ZPLD1: variants seen among roughly 807,000 people sequenced by gnomAD.
The protein encoded by ZPLD1 is zona pellucida like domain containing 1.
A neutral mutation model predicts 47.2 loss-of-function variants in ZPLD1; 34 were observed. The observed-to-expected ratio is 0.72, with a 90% confidence interval of 0.55 to 0.96. The LOEUF (loss-of-function observed/expected upper bound fraction) is 0.96, where lower values mean the gene tolerates loss of function less well. ZPLD1 is among the 40% of genes least tolerant of loss of function. The pLI, the probability that ZPLD1 is intolerant of heterozygous loss-of-function variation, is 0.00. For synonymous variants in ZPLD1, 176 were observed against 186.2 expected (o/e 0.95, Z 0.45); for missense variants, 512 against 505.8 (o/e 1.01, Z -0.12).
At chr3:102,470,599 A>C in intron 10 of ZPLD1, 97 bp downstream of exon 10, 1 of 873,190 alleles carries the variant, frequency 1.1e-6, no homozygotes. Flanking sequence ...CCTAAACAGC[A>C]CTAATTAATT....
At chr3:102,412,897 T>C (rs1442430383) in intron 7 of ZPLD1, among the ~76,000 whole-genome samples, 1 of 151,470 alleles carries the variant, frequency 6.6e-6, no homozygotes, top group African/African-American at 2.4e-5. Context: ...ACATGAATGG[T>C]TAGAAGAGAT....
At chr3:102,455,775 G>C (rs921430886) in intron 4 of ZPLD1, among the ~76,000 whole-genome samples, 1 of 152,148 alleles carries the variant, frequency 6.6e-6, no homozygotes, top group Non-Finnish European at 1.5e-5. Flanking sequence ...GGAGGAGTAG[G>C]ATACATCATG....
In ZPLD1 at chr3:102,437,322, C is replaced by T. The variant is rs142140660; in HGVS notation, c.-9+349C>T. 6.0e-4 allele frequency among the ~76,000 whole-genome samples: 91 copies of T among 152,266 alleles called. 3 individuals carry two copies. The East Asian group carries it at 0.016, about 27-fold the overall frequency. ...TGAGAGTGAGCATGACTTTCTTTCC[C>T]ACATCCTCACCAAAGTGACTTTATT... On this transcript the variant is annotated intron_variant, in intron 2 of 11. Transcript: ENST00000466937.
At chr3:102,470,320 C>A in intron 9 of ZPLD1, 74 bp from the exon 10 acceptor site, 2 of 1,120,032 alleles carry the variant, frequency 1.8e-6, no homozygotes, top group South Asian at 1.3e-5. Context: ...CCAAAAGAAT[C>A]TGCTTTCCAA....
At chr3:102,438,672 A>C in intron 3 of ZPLD1, 79 bp downstream of exon 3, 1 of 1,070,206 alleles carries the variant, frequency 9.3e-7, no homozygotes, top group Non-Finnish European at 1.4e-6. Flanking sequence ...TTAAATATAT[A>C]TGGAGAACGG....
At chr3:102,416,283 T>C (rs372151216) in intron 7 of ZPLD1, among the ~76,000 whole-genome samples, 1 of 151,978 alleles carries the variant, frequency 6.6e-6, no homozygotes, top group South Asian at 2.1e-4. Context: ...ATTACTACTG[T>C]CTTTTTAGCT....
At chr3:102,410,897 C>G (rs936830379) in intron 7 of ZPLD1, among the ~76,000 whole-genome samples, 2 of 151,760 alleles carry the variant, frequency 1.3e-5, no homozygotes, top group Admixed American at 1.3e-4. Context: ...AGATTTGTGT[C>G]ATGCTTCAAA....
chr3:102,417,228 G>A (rs1296805841), intron 7 of ZPLD1, among the ~76,000 whole-genome samples: 2 of 151,974 alleles, frequency 1.3e-5, no homozygotes, highest in Non-Finnish European at 2.9e-5. Context: ...TTAAATGGCA[G>A]ACGGAGTAAT....
intron 7 of ZPLD1, among the ~76,000 whole-genome samples, chr3:102,416,442 A>G (rs1291160542): frequency 6.6e-6 from 1 of 151,902 alleles, no homozygotes. Flanking sequence ...AAATTTTAAA[A>G]TAGTAGAAGA....
intron 10 of ZPLD1, among the ~76,000 whole-genome samples, chr3:102,476,664 C>T (rs568025647): frequency 1.3e-5 from 2 of 152,266 alleles, no homozygotes; most frequent in South Asian, 4.1e-4. Flanking sequence ...TTAACGATTA[C>T]TGCCCCCACC....
At chr3:102,443,375 A>G (rs902308923) in intron 3 of ZPLD1, among the ~76,000 whole-genome samples, 1 of 152,104 alleles carries the variant, frequency 6.6e-6, no homozygotes, top group African/African-American at 2.4e-5. Context: ...CTTTTTAAAT[A>G]CCCCCTTTAC....
At chr3:102,466,820 T>C (rs912069577) in intron 8 of ZPLD1, among the ~76,000 whole-genome samples, 1 of 151,448 alleles carries the variant, frequency 6.6e-6, no homozygotes, top group African/African-American at 2.4e-5. Flanking sequence ...AAGATAGAAA[T>C]AAAAAGGTGA....
intron 3 of ZPLD1, among the ~76,000 whole-genome samples, chr3:102,441,384 C>G (rs1039382568): frequency 1.3e-5 from 2 of 152,118 alleles, no homozygotes; most frequent in Non-Finnish European, 2.9e-5. Context: ...CAACTTGTTT[C>G]ACCTCAAATA....
chr3:102,407,442 T>TATACAC (rs1553708474), intron 7 of ZPLD1, among the ~76,000 whole-genome samples: 93 of 95,422 alleles, frequency 9.7e-4, no homozygotes, highest in Non-Finnish European at 1.4e-3. Flanking sequence ...TATATATATA[T>TATACAC]ACACACATAT....
At chr3:102,428,374 T>A (rs759152199) in intron 8 of ZPLD1, among the ~76,000 whole-genome samples, 1 of 152,136 alleles carries the variant, frequency 6.6e-6, no homozygotes, top group Non-Finnish European at 1.5e-5. Flanking sequence ...CTAAATTGAA[T>A]TGTTTAAAAA....
chr3:102,447,370 T>A (rs1001625124), intron 3 of ZPLD1, among the ~76,000 whole-genome samples: 6 of 152,116 alleles, frequency 3.9e-5, no homozygotes, highest in South Asian at 2.1e-4. Context: ...GGCCTCCCCA[T>A]CCTTTTTCTT....
Position 102,459,693 on chromosome 3 carries a change from T to C in ZPLD1, c.582+1840T>C, listed in dbSNP as rs1005096870. ...CAAAATACTTCTCTTTTTAAATCAG[T>C]TATAGAGCAGTTTTAGTTTGGCAGA... On this transcript the variant is annotated intron_variant, in intron 6 of 11. Transcript: ENST00000466937. Among the ~76,000 whole-genome samples the C allele has an allele frequency of 3.9e-5, 6 of 152,238 alleles. No individual in the cohort carries two copies. In the East Asian group the frequency reaches 1.2e-3, roughly 29 times the overall value.
At chr3:102,397,876 A>G (rs1454432668) in intron 7 of ZPLD1, among the ~76,000 whole-genome samples, 1 of 152,180 alleles carries the variant, frequency 6.6e-6, no homozygotes, top group East Asian at 1.9e-4. Context: ...TCAAATTCCC[A>G]CATTTACTGA....
intron 5 of ZPLD1, 50 bp downstream of exon 5, chr3:102,456,424 G>C (rs756045137): frequency 6.5e-7 from 1 of 1,528,564 alleles, no homozygotes; most frequent in Non-Finnish European, 9.0e-7. Flanking sequence ...TTTGCTTCAG[G>C]CATTTCGTAT....
Sources: gnomAD v4.1 joint callset for allele counts (sites outside exome capture counted in the v4.1 genomes callset) on GRCh38, gnomAD v4.1.1 for gene constraint, MANE v1.5 for transcripts, NCBI Gene and HGNC (gene_info 2026-07-23, HGNC 2026-07-21) for gene names.